The following RALYL variants were observed in gnomAD, a reference collection of about 807,000 sequenced individuals.
RALYL encodes the protein RNA-binding Raly-like protein.
A neutral mutation model predicts 35.1 loss-of-function variants in RALYL; 29 were observed. The observed-to-expected ratio is 0.83, with a 90% CI of 0.61 to 1.13. The LOEUF (loss-of-function observed/expected upper bound fraction) is 1.13. Among genes scored for constraint, RALYL ranks in the 50% most tolerant of loss-of-function variants. RALYL has a pLI of 0.00. For synonymous variants in RALYL, 120 were observed against 127.6 expected, an observed-to-expected ratio of 0.94 and a Z score of 0.40; for missense variants, 359 against 360.4, an observed-to-expected ratio of 1.00 and a Z score of 0.03.
chr8:84,419,793 G>C (rs1379407257), intron 1 of RALYL, among the ~76,000 whole-genome samples: 4 of 147,550 alleles, frequency 2.7e-5, no homozygotes, highest in Non-Finnish European at 5.9e-5. Flanking sequence ...GAGAATATGC[G>C]GTATTTGTTT....
At chr8:84,431,682 C>T (rs2047162255) in intron 1 of RALYL, among the ~76,000 whole-genome samples, 1 of 152,110 alleles carries the variant, frequency 6.6e-6, no homozygotes, top group Admixed American at 6.6e-5. Flanking sequence ...AACTCACCTA[C>T]AATAATGTCC....
In RALYL at chr8:84,183,616, T is replaced by C. The variant is rs1282064448; in HGVS notation, c.-832T>C. 1 of 152,540 alleles carries C rather than the reference T, an allele frequency of 6.6e-6. No individual in the cohort carries two copies. Among genetic ancestry groups the C allele is most frequent in the African/African-American group, 2.4e-5 (1 of 41,470 alleles). The allele number at this position is 152,540 out of a possible 1,614,324, so 9.4% of individuals were successfully genotyped here. ...TCAGTGGCATTCTTGTCCTATTCTT[T>C]TTTTTGTCCTTTTTTTTGGTTTTTT... On this transcript the variant is annotated 5_prime_UTR_variant, in exon 1 of 9. Transcript: ENST00000521268.
At chr8:84,460,112 T>G (rs2050585841) in intron 1 of RALYL, among the ~76,000 whole-genome samples, 2 of 151,788 alleles carry the variant, frequency 1.3e-5, no homozygotes, top group Admixed American at 1.3e-4. Flanking sequence ...ACCTGGAGGT[T>G]ATACACACAG....
chr8:84,835,022 A>C (rs968177134), intron 4 of RALYL, among the ~76,000 whole-genome samples: 5 of 152,230 alleles, frequency 3.3e-5, no homozygotes, highest in African/African-American at 1.2e-4. Flanking sequence ...TACATTGAAC[A>C]GTTAAAACAA....
chr8:84,847,024 C>T (rs762846248), intron 4 of RALYL, among the ~76,000 whole-genome samples: 1 of 152,084 alleles, frequency 6.6e-6, no homozygotes, highest in Non-Finnish European at 1.5e-5. Context: ...TTTCTAATTC[C>T]CCCATATACT....
intron 1 of RALYL, among the ~76,000 whole-genome samples, chr8:84,389,435 G>T (rs1860079951): frequency 6.6e-6 from 1 of 151,968 alleles, no homozygotes; most frequent in African/African-American, 2.4e-5. Context: ...ACCTTGGGCA[G>T]TATGGCCACT....
intron 2 of RALYL, among the ~76,000 whole-genome samples, chr8:84,730,151 C>T (rs1355951009): frequency 1.3e-5 from 2 of 151,988 alleles, no homozygotes; most frequent in Non-Finnish European, 2.9e-5. Flanking sequence ...TACTGGCAAA[C>T]CAAATCCAGC....
At chr8:84,537,176 A>T (rs899378397) in intron 2 of RALYL, among the ~76,000 whole-genome samples, 1 of 122,148 alleles carries the variant, frequency 8.2e-6, no homozygotes. Flanking sequence ...AAAAAAAAAA[A>T]CTCTATTCAC....
chr8:84,541,648 T>C (rs1184033244), intron 2 of RALYL, among the ~76,000 whole-genome samples: 1 of 152,048 alleles, frequency 6.6e-6, no homozygotes, highest in Non-Finnish European at 1.5e-5. Context: ...CTCTTTTCCA[T>C]CAGTTATTAA....
chr8:84,667,198 C>T (rs1291277374), intron 2 of RALYL, among the ~76,000 whole-genome samples: 1 of 151,594 alleles, frequency 6.6e-6, no homozygotes, highest in Non-Finnish European at 1.5e-5. Context: ...CTCCTTGCCT[C>T]TTGTATTTCC....
At chr8:84,363,391 C>T (rs1330240659) in intron 1 of RALYL, among the ~76,000 whole-genome samples, 1 of 152,156 alleles carries the variant, frequency 6.6e-6, no homozygotes, top group East Asian at 1.9e-4. Flanking sequence ...TGCTTTGTCA[C>T]ACCAATGAGG....
intron 2 of RALYL, among the ~76,000 whole-genome samples, chr8:84,552,426 G>A (rs2060811187): frequency 8.1e-6 from 1 of 123,206 alleles, no homozygotes; most frequent in African/African-American, 3.1e-5. Context: ...TGTCAAACTG[G>A]TGCCATTGTT....
chr8:84,830,351 A>G (rs576519361), intron 4 of RALYL, among the ~76,000 whole-genome samples: 1 of 152,108 alleles, frequency 6.6e-6, no homozygotes, highest in East Asian at 1.9e-4. Context: ...AAGAAATCTA[A>G]AGGTTGTTTC....
chr8:84,882,331 A>G (rs1842298387), intron 7 of RALYL, among the ~76,000 whole-genome samples: 1 of 152,018 alleles, frequency 6.6e-6, no homozygotes, highest in Non-Finnish European at 1.5e-5. Flanking sequence ...TAAGCACTGG[A>G]AGACTTCACA....
At position 84,705,965 on chromosome 8, in the gene RALYL, C is replaced by A. The variant is rs181322916; in HGVS notation, c.257-68614C>A. On this transcript the variant is annotated intron_variant, in intron 2 of 8. Coordinates refer to ENST00000521268, the MANE Select transcript of RALYL (RefSeq NM_173848.7). ...CTTACTGCAAAGCAGGAGCACAACC[C>A]GTCTCTTTGTCTCCGTGGTCAAATC... 2.5e-4 allele frequency: 387 copies of A among 1,531,222 alleles called. 2 individuals are homozygous for A. In the African/African-American group the frequency reaches 4.3e-3, roughly 17 times the overall value. 94.9% of individuals were successfully genotyped at this position (1,531,222 alleles called of 1,614,324 possible).
chr8:84,243,798 G>A (rs1030748287), intron 1 of RALYL, among the ~76,000 whole-genome samples: 1 of 152,126 alleles, frequency 6.6e-6, no homozygotes, highest in African/African-American at 2.4e-5. Flanking sequence ...TAGTCACAGT[G>A]TAGTGGCATG....
At chr8:84,473,090 A>G (rs1283647528) in intron 1 of RALYL, among the ~76,000 whole-genome samples, 2 of 152,118 alleles carry the variant, frequency 1.3e-5, no homozygotes, top group Admixed American at 6.6e-5. Flanking sequence ...GGAAATGGGC[A>G]GGGCTACCCA....
chr8:84,359,240 T>G (rs1457386340), intron 1 of RALYL, among the ~76,000 whole-genome samples: 1 of 18,378 alleles, frequency 5.4e-5, no homozygotes. Context: ...TTTTGAGAGC[T>G]TTTTTTTTTT....
chr8:84,862,391 A>G lies in RALYL; in HGVS notation c.509A>G (p.Lys170Arg), dbSNP rs761419298. ...RVAVTTTRRG[K>R]GVFSMKGGSR... is the part of the protein sequence containing the mutation. ...GCAGTCACAACGACTCGCAGGGGGA[A>G]AGGAGTCTTTTCCATGAAAGGTGGA... The change falls in exon 6 of 9, where the codon AAA becomes AGA. Residue 170 changes from lysine (K) to arginine (R), a missense_variant. Coordinates refer to ENST00000521268, the MANE Select transcript of RALYL (RefSeq NM_173848.7). 6.2e-7 allele frequency: 1 copy of G among 1,607,904 alleles called. No individual in the cohort carries two copies. Among genetic ancestry groups the G allele is most frequent in the Non-Finnish European group, 8.5e-7 (1 of 1,177,450 alleles).
Sources: allele counts gnomAD v4.1 joint callset (sites outside exome capture counted in the v4.1 genomes callset), GRCh38; gene constraint gnomAD v4.1.1; transcripts MANE v1.5; gene names NCBI Gene and HGNC (gene_info 2026-07-23, HGNC 2026-07-21).